Variants in GABRA3 observed in about 807,000 individuals in gnomAD.
GABRA3 encodes the protein gamma-aminobutyric acid receptor subunit alpha-3.
A neutral mutation model predicts 30.1 loss-of-function variants in GABRA3; 10 were observed. The observed-to-expected ratio is 0.33, with a 90% CI of 0.20 to 0.56. The LOEUF is 0.56. Ranked by LOEUF, GABRA3 falls within the 20% of genes least tolerant of loss-of-function variation. The pLI is 0.89. For synonymous variants in GABRA3, 151 were observed against 146.8 expected (o/e 1.03, Z -0.21); for missense variants, 233 against 392.0 (o/e 0.59, Z 3.42).
chrX:152,265,462 C>T (rs1938806604), intron 4 of GABRA3, among the ~76,000 whole-genome samples: 1 of 111,076 alleles, frequency 9.0e-6, no homozygotes. Flanking sequence ...ATAATGCAAA[C>T]ACAACATACC....
At chrX:152,424,406 A>T (rs1468809595) in intron 1 of GABRA3, among the ~76,000 whole-genome samples, 1 of 111,359 alleles carries the variant, frequency 9.0e-6, no homozygotes, top group African/African-American at 3.3e-5. Context: ...TCACACAATA[A>T]CTAAGCATCT....
intron 6 of GABRA3, among the ~76,000 whole-genome samples, chrX:152,219,351 C>T (rs1937788674): frequency 9.0e-6 from 1 of 111,134 alleles, no homozygotes; most frequent in Non-Finnish European, 1.9e-5. Context: ...TAACAACCCT[C>T]ATCAAGGGTA....
chrX:152,436,177 A>G (rs948779710), intron 1 of GABRA3, among the ~76,000 whole-genome samples: 1 of 111,900 alleles, frequency 8.9e-6, no homozygotes, highest in Admixed American at 9.5e-5. Context: ...TGGCTGATCA[A>G]TTTATCTGGA....
At chrX:152,431,575 T>G (rs771008907) in intron 1 of GABRA3, among the ~76,000 whole-genome samples, 1 of 112,180 alleles carries the variant, frequency 8.9e-6, no homozygotes, top group South Asian at 3.7e-4. Flanking sequence ...CCTGTAAGCA[T>G]GTTATGCTAC....
At chrX:152,317,763 G>C (rs1939900771) in intron 3 of GABRA3, among the ~76,000 whole-genome samples, 1 of 111,441 alleles carries the variant, frequency 9.0e-6, no homozygotes, top group Admixed American at 9.6e-5. Context: ...AAAATTATTT[G>C]AACTGAATGA....
chrX:152,170,714 G>A (rs913981026), intron 9 of GABRA3, among the ~76,000 whole-genome samples: 3 of 112,024 alleles, frequency 2.7e-5, no homozygotes, highest in African/African-American at 9.7e-5. Context: ...AAAACAGGCA[G>A]CAGCAAGACC....
At chrX:152,366,293 T>C (rs1286612443) in intron 1 of GABRA3, among the ~76,000 whole-genome samples, 2 of 111,783 alleles carry the variant, frequency 1.8e-5, no homozygotes, top group African/African-American at 6.5e-5. Context: ...CAGAGACACT[T>C]GGGCTAGGAT....
At chrX:152,384,617 A>C (rs1341880714) in intron 1 of GABRA3, among the ~76,000 whole-genome samples, 2 of 112,446 alleles carry the variant, frequency 1.8e-5, no homozygotes, top group African/African-American at 3.2e-5. Context: ...AATGTATTAC[A>C]GGTGGATTGA....
chrX:152,273,510 C>T (rs946552782), intron 4 of GABRA3, among the ~76,000 whole-genome samples: 1 of 112,285 alleles, frequency 8.9e-6, no homozygotes, highest in Non-Finnish European at 1.9e-5. Context: ...CAGCACTATT[C>T]ACAATAGCCA....
chrX:152,197,016 ATCTCCGACAGTG>A (rs1443318498), intron 8 of GABRA3, among the ~76,000 whole-genome samples: 1 of 112,144 alleles, frequency 8.9e-6, no homozygotes, highest in Non-Finnish European at 1.9e-5. Context: ...ATTAATATTT[ATCTCCGACAGTG>A]GGAAAAATAG....
At chrX:152,325,486 C>A (rs1165690098) in intron 3 of GABRA3, among the ~76,000 whole-genome samples, 4 of 111,584 alleles carry the variant, frequency 3.6e-5, no homozygotes, top group African/African-American at 1.3e-4. Flanking sequence ...AGGTGCCCCT[C>A]TGAGACAAAG....
intron 1 of GABRA3, among the ~76,000 whole-genome samples, chrX:152,422,348 A>C (rs1930394668): frequency 9.0e-6 from 1 of 111,238 alleles, no homozygotes; most frequent in Non-Finnish European, 1.9e-5. Context: ...AAAGTTTAAA[A>C]ACAAGTGAAA....
Position 152,383,693 on chromosome X carries a change from C to CA in GABRA3, c.-26-19098dup, listed in dbSNP as rs370843867. 9.6e-3 allele frequency among the ~76,000 whole-genome samples: 853 copies of CA among 89,116 alleles called. 6 individuals are homozygous for CA. Among genetic ancestry groups the CA allele is most frequent in the African/African-American group, 0.011 (279 of 24,566 alleles). 77.4% of individuals were successfully genotyped at this position (89,116 alleles called of 115,157 possible). ...ACAAAATTCAACACTCTCTTGATTA[C>CA]AAAAAAAAAAAAACCCTCGATAAAG... On this transcript the variant is annotated intron_variant, in intron 1 of 9. Transcript: ENST00000370314.
chrX:152,169,984 C>T (rs72614775), intron 9 of GABRA3, among the ~76,000 whole-genome samples: 3,120 of 111,610 alleles, frequency 0.028, 89 homozygotes, highest in African/African-American at 0.076. Context: ...CTATAGTGAT[C>T]CTAATAACTT....
At chrX:152,335,108 G>C (rs1940215029) in intron 3 of GABRA3, among the ~76,000 whole-genome samples, 1 of 111,633 alleles carries the variant, frequency 9.0e-6, no homozygotes, top group African/African-American at 3.3e-5. Context: ...GAATAGCACT[G>C]CTGAGAGTAC....
chrX:152,293,092 G>T (rs1217477823), intron 3 of GABRA3, among the ~76,000 whole-genome samples: 1 of 111,197 alleles, frequency 9.0e-6, no homozygotes, highest in Admixed American at 9.6e-5. Flanking sequence ...CTGAGTTCAA[G>T]TCCTGGGTAT....
chrX:152,437,610 G>A (rs1444549157), intron 1 of GABRA3, among the ~76,000 whole-genome samples: 1 of 111,907 alleles, frequency 8.9e-6, no homozygotes, highest in Non-Finnish European at 1.9e-5. Context: ...TTAGAGGACT[G>A]ACACTACCTG....
intron 9 of GABRA3, among the ~76,000 whole-genome samples, chrX:152,176,779 G>C (rs5969864): frequency 0.039 from 4,340 of 111,409 alleles, 141 homozygotes; most frequent in African/African-American, 0.11. Context: ...TTGGGATAGA[G>C]ATACATATTT....
At chrX:152,379,216 AAAG>A (rs1244500226) in intron 1 of GABRA3, among the ~76,000 whole-genome samples, 5 of 111,776 alleles carry the variant, frequency 4.5e-5, no homozygotes, top group African/African-American at 1.6e-4. Flanking sequence ...ACAAGGCTAT[AAAG>A]AAAATCACAA....
Sources: allele counts gnomAD v4.1 joint callset (sites outside exome capture counted in the v4.1 genomes callset), GRCh38; gene constraint gnomAD v4.1.1; transcripts MANE v1.5; gene names NCBI Gene and HGNC (gene_info 2026-07-23, HGNC 2026-07-21).